The following MTMR12 variants were observed in gnomAD, a reference collection of about 807,000 sequenced individuals.
The protein encoded by MTMR12 is myotubularin-related protein 12.
In MTMR12, 33 loss-of-function variants were observed where a neutral mutation model predicts 96.7. The ratio of observed to expected loss-of-function variants is 0.34; its 90% CI spans 0.26 to 0.46. The LOEUF is 0.46. MTMR12 is among the 20% of genes least tolerant of loss of function. The pLI, the probability that MTMR12 is intolerant of heterozygous loss-of-function variation, is 1.00. For missense variants in MTMR12, 721 were observed against 896.1 expected, an observed-to-expected ratio of 0.80 and a Z score of 2.49; for synonymous variants, 298 against 327.2, an observed-to-expected ratio of 0.91 and a Z score of 0.96.
At chr5:32,286,980 A>G (rs1750564415) in intron 1 of MTMR12, among the ~76,000 whole-genome samples, 1 of 152,210 alleles carries the variant, frequency 6.6e-6, no homozygotes, top group Non-Finnish European at 1.5e-5. Flanking sequence ...AGAACACAGG[A>G]GTCTGACAGC....
At chr5:32,268,277 G>A (rs1749685363) in intron 6 of MTMR12, among the ~76,000 whole-genome samples, 1 of 152,094 alleles carries the variant, frequency 6.6e-6, no homozygotes, top group South Asian at 2.1e-4. Flanking sequence ...GGAGGCCGAG[G>A]TGGATGGATC....
At chr5:32,284,317 CAAAA>C (rs57597487) in intron 1 of MTMR12, among the ~76,000 whole-genome samples, 1 of 47,274 alleles carries the variant, frequency 2.1e-5, no homozygotes, top group Non-Finnish European at 4.5e-5. Flanking sequence ...GACCCTGTCT[CAAAA>C]AAAAAAAAAA....
chr5:32,247,217 G>A (rs924724380), intron 10 of MTMR12, among the ~76,000 whole-genome samples: 18 of 152,150 alleles, frequency 1.2e-4, no homozygotes, highest in African/African-American at 3.4e-4. Flanking sequence ...AGGTGAGGAG[G>A]TGTGTGCCTG....
At position 32,270,843 on chromosome 5, in the gene MTMR12, A is replaced by T; in HGVS notation, c.463T>A (p.Tyr155Asn). 6.2e-7 allele frequency: 1 copy of T among 1,613,208 alleles called. No homozygotes were observed. The highest frequency in any genetic ancestry group is 8.5e-7 in the Non-Finnish European group (1 of 1,179,682). Residue 155 changes from tyrosine (Y) to asparagine (N), a missense_variant, in exon 5 of 16, where the codon TAC becomes AAC. Tyr to Asn is a moderately radical substitution (Grantham distance 143). Coordinates refer to ENST00000382142, the MANE Select transcript of MTMR12 (RefSeq NM_001040446.3). ...DLRVFQFCLR[Y>N]TKEEEVKRIV... ...CTTTTGACTTCCTCTTCCTTTGTGTACCTCAGACAAAACTGGAACACTCGA... is the reference window on the plus strand; with the variant it reads ...CTTTTGACTTCCTCTTCCTTTGTGTTCCTCAGACAAAACTGGAACACTCGA...
intron 8 of MTMR12, among the ~76,000 whole-genome samples, chr5:32,253,847 C>T (rs920186780): frequency 2.7e-4 from 41 of 152,328 alleles, no homozygotes; most frequent in African/African-American, 8.9e-4. Flanking sequence ...TGATCTCAAA[C>T]TCCCGGGTTC....
chr5:32,273,221 A>G lies in MTMR12; in HGVS notation c.285+759T>C, dbSNP rs140487134. 1.8e-3 allele frequency among the ~76,000 whole-genome samples: 279 copies of G among 152,252 alleles called. 1 individual carries two copies. Among genetic ancestry groups the G allele is most frequent in the African/African-American group, 6.5e-3 (272 of 41,562 alleles). On this transcript the variant is annotated intron_variant, in intron 3 of 15. Transcript: ENST00000382142. Reference sequence around the variant, plus strand: ...TCGAGACCAGCATGGGCAACATGGCAAAACCCTGCCTCTACCAAAAATAAC... The same window carrying G: ...TCGAGACCAGCATGGGCAACATGGCGAAACCCTGCCTCTACCAAAAATAAC...
At chr5:32,255,828 C>A in intron 7 of MTMR12, 60 bp from the exon 8 acceptor site, 1 of 1,420,438 alleles carries the variant, frequency 7.0e-7, no homozygotes, top group South Asian at 1.2e-5. Flanking sequence ...AATATGAAAG[C>A]TCAACTTCAA....
chr5:32,251,737 G>A (rs1581602830), intron 8 of MTMR12, among the ~76,000 whole-genome samples: 1 of 152,286 alleles, frequency 6.6e-6, no homozygotes, highest in African/African-American at 2.4e-5. Flanking sequence ...GGCAACCATA[G>A]AAGAGGGAAG....
chr5:32,239,066 A>G lies in MTMR12; in HGVS notation c.1279T>C (p.Trp427Arg). 6.2e-7 allele frequency: 1 copy of G among 1,609,770 alleles called. No homozygotes were observed. Among genetic ancestry groups the G allele is most frequent in the Non-Finnish European group, 8.5e-7 (1 of 1,178,078 alleles). ...IGFQSLIQKE[W>R]VMGGHCFLDR... The stretch of plus-strand genomic sequence containing the variant: ...AAGAAACAGTGGCCACCCATGACCC[A>G]CTCCTTTTGGATGAGGCTCTGGAAA... Residue 427 changes from tryptophan to arginine, a missense_variant, in exon 13 of 16, where the codon TGG becomes CGG. Transcript: ENST00000382142.
intron 13 of MTMR12, among the ~76,000 whole-genome samples, chr5:32,237,603 C>T (rs1354041244): frequency 1.3e-5 from 2 of 152,050 alleles, no homozygotes; most frequent in African/African-American, 2.4e-5. Context: ...CTCTGCCTCC[C>T]GGGTTTAAGT....
intron 3 of MTMR12, among the ~76,000 whole-genome samples, chr5:32,273,673 G>T (rs1247220528): frequency 6.6e-6 from 1 of 152,080 alleles, no homozygotes; most frequent in Admixed American, 6.5e-5. Context: ...GACCCTGAAC[G>T]ACAGAGAGCA....
intron 1 of MTMR12, among the ~76,000 whole-genome samples, chr5:32,286,583 C>T (rs1750547872): frequency 6.6e-6 from 1 of 151,856 alleles, no homozygotes; most frequent in Non-Finnish European, 1.5e-5. Context: ...AACTAGAATA[C>T]TAAGTAATGA....
intron 1 of MTMR12, among the ~76,000 whole-genome samples, chr5:32,301,941 A>G (rs1188003262): frequency 6.6e-6 from 1 of 152,176 alleles, no homozygotes; most frequent in Non-Finnish European, 1.5e-5. Flanking sequence ...CTCTTAGCAA[A>G]AGCAAAAAAA....
chr5:32,298,080 C>A (rs1750994102), intron 1 of MTMR12, among the ~76,000 whole-genome samples: 1 of 152,158 alleles, frequency 6.6e-6, no homozygotes, highest in Admixed American at 6.5e-5. Flanking sequence ...GGGCAAGAAG[C>A]GTGGAGGGCT....
chr5:32,273,903 G>C, intron 3 of MTMR12, 77 bp downstream of exon 3: 3 of 1,584,456 alleles, frequency 1.9e-6, no homozygotes, highest in Non-Finnish European at 2.6e-6. Context: ...GAGTAACTGA[G>C]AAGCTGGGAA....
chr5:32,250,399 G>C (rs1748869343), intron 8 of MTMR12, among the ~76,000 whole-genome samples: 1 of 152,218 alleles, frequency 6.6e-6, no homozygotes, highest in African/African-American at 2.4e-5. Context: ...CTTTCTTGGG[G>C]CCAAGCCACA....
chr5:32,289,688 A>AG (rs1750672588), intron 1 of MTMR12, among the ~76,000 whole-genome samples: 1 of 152,184 alleles, frequency 6.6e-6, no homozygotes. Flanking sequence ...GTGGGCCCCC[A>AG]GACTCATCCT....
In MTMR12 at chr5:32,270,836, T is replaced by A; in HGVS notation, c.470A>T (p.Lys157Met). The A allele has an allele frequency of 6.2e-7, 1 of 1,611,826 alleles. No homozygotes were observed. Among genetic ancestry groups the A allele is most frequent in the Middle Eastern group, 1.7e-4 (1 of 6,046 alleles). Residue 157 changes from lysine (K) to methionine (M), a missense_variant, in exon 5 of 16, where the codon AAG becomes ATG. Transcript: ENST00000382142. ...RVFQFCLRYT[K>M]EEEVKRIVSG... ...AGTTACCCTTTTGACTTCCTCTTCC[T>A]TTGTGTACCTCAGACAAAACTGGAA...
At chr5:32,301,940 A>C (rs1253592375) in intron 1 of MTMR12, among the ~76,000 whole-genome samples, 1 of 152,178 alleles carries the variant, frequency 6.6e-6, no homozygotes, top group Non-Finnish European at 1.5e-5. Context: ...ACTCTTAGCA[A>C]AAGCAAAAAA....
Sources: gnomAD v4.1 joint callset for allele counts (sites outside exome capture counted in the v4.1 genomes callset) on GRCh38, gnomAD v4.1.1 for gene constraint, MANE v1.5 for transcripts, NCBI Gene and HGNC (gene_info 2026-07-23, HGNC 2026-07-21) for gene names.